Variants in CLCN4 observed in about 807,000 individuals in gnomAD.
CLCN4 encodes Cl-/H+ antiporter 4, also known as H(+)/Cl(-) exchange transporter 4.
CLCN4 carries 1 observed loss-of-function variant against 41.7 expected under a neutral mutation model. That is an observed-to-expected ratio of 0.02 (90% CI 0.01 to 0.11). The LOEUF (loss-of-function observed/expected upper bound fraction) is 0.11, where lower values mean the gene tolerates loss of function less well. Ranked by LOEUF, CLCN4 falls within the 10% of genes least tolerant of loss-of-function variation. The probability of loss-of-function intolerance (pLI) is 1.00; values close to 1 mark genes in which losing one functional copy is unlikely to be tolerated. For synonymous variants in CLCN4, 277 were observed against 285.8 expected (o/e 0.97, Z 0.31); for missense variants, 287 against 661.0 (o/e 0.43, Z 6.20).
At position 10,234,822 on chromosome X, in the gene CLCN4, T is replaced by G. The variant is rs540320036; in HGVS notation, c.*1238T>G. ...TTTGTATTTGAACTTAACGACACATTTACTCTTTTAGTCAGGATTTCGGTC... is the reference window on the plus strand; with the variant it reads ...TTTGTATTTGAACTTAACGACACATGTACTCTTTTAGTCAGGATTTCGGTC... On this transcript the variant is annotated 3_prime_UTR_variant, in exon 13 of 13. Transcript: ENST00000380833. The G allele has an allele frequency of 8.9e-6, 1 of 112,315 alleles. No homozygotes were observed. 9.3% of individuals were successfully genotyped at this position (112,315 alleles called of 1,213,427 possible). A position where few individuals can be genotyped will look rare whatever the true frequency, so the allele number is the denominator to read the frequency against.
chrX:10,196,138 T>C (rs59002659), intron 5 of CLCN4, among the ~76,000 whole-genome samples: 2,345 of 112,119 alleles, frequency 0.021, 65 homozygotes, highest in African/African-American at 0.072. Flanking sequence ...TCAGCACTTG[T>C]TATTATCTGT....
chrX:10,216,590 C>T (rs1465768230), intron 11 of CLCN4, among the ~76,000 whole-genome samples: 1 of 110,392 alleles, frequency 9.1e-6, no homozygotes, highest in East Asian at 2.9e-4. Context: ...AGGAAACTCT[C>T]AGGTTTTTTT....
chrX:10,223,401 G>A (rs1924906229), intron 12 of CLCN4, among the ~76,000 whole-genome samples: 1 of 110,784 alleles, frequency 9.0e-6, no homozygotes. Flanking sequence ...AATTGGCTCT[G>A]AATGTGCTTC....
In CLCN4 at chrX:10,175,386, G is replaced by A. The variant is rs757438409; in HGVS notation, c.-11-9636G>A. Among the ~76,000 whole-genome samples, 43 of 111,472 alleles carry A rather than the reference G, an allele frequency of 3.9e-4. 1 individual carries two copies. Among genetic ancestry groups the A allele is most frequent in the Admixed American group, 1.6e-3 (17 of 10,514 alleles). On this transcript the variant is annotated intron_variant, in intron 2 of 12. Transcript: ENST00000380833. Reference sequence around the variant, plus strand: ...ACCAGCAGGAGCTGAACCAGCAGTCGTCTTGGGTTGCAGTGAAGCCCCCTC... The same window carrying A: ...ACCAGCAGGAGCTGAACCAGCAGTCATCTTGGGTTGCAGTGAAGCCCCCTC...
intron 2 of CLCN4, among the ~76,000 whole-genome samples, chrX:10,161,519 C>T (rs1401945779): frequency 1.8e-5 from 2 of 111,988 alleles, no homozygotes; most frequent in African/African-American, 3.2e-5. Flanking sequence ...CACTTGTGGC[C>T]CTCGATTGGA....
rs760315418 is a variant in CLCN4 at position 10,191,692 on chromosome X, A to ATTTTTTTTTT, written c.245-3200_245-3191dup. Reference sequence around the variant, plus strand: ...AGGCGCGTGCCACCATATCTGGTTAATTTTTTTTTTTTTTTTTTTTTTTTT... The same window carrying ATTTTTTTTTT: ...AGGCGCGTGCCACCATATCTGGTTAATTTTTTTTTTTTTTTTTTTTTTTTTTTTTTTTTTT... On this transcript the variant is annotated intron_variant, in intron 4 of 12. Transcript: ENST00000380833. 6.2e-4 allele frequency among the ~76,000 whole-genome samples: 31 copies of ATTTTTTTTTT among 49,770 alleles called. 5 individuals are homozygous for ATTTTTTTTTT. The highest frequency in any genetic ancestry group is 2.5e-3 in the African/African-American group (27 of 10,846). 43.2% of individuals were successfully genotyped at this position (49,770 alleles called of 115,157 possible).
chrX:10,173,558 T>G (rs1229310795), intron 2 of CLCN4, among the ~76,000 whole-genome samples: 1 of 111,231 alleles, frequency 9.0e-6, no homozygotes, highest in Non-Finnish European at 1.9e-5. Flanking sequence ...CTTAATCTCC[T>G]CCCTCTGTGG....
Position 10,237,027 on chromosome X carries a change from A to G in CLCN4, c.*3443A>G, listed in dbSNP as rs1925270288. The G allele has an allele frequency of 8.9e-6, 1 of 112,364 alleles. No homozygotes were observed. Among genetic ancestry groups the G allele is most frequent in the Non-Finnish European group, 1.9e-5 (1 of 53,300 alleles). The allele number at this position is 112,364 out of a possible 1,213,427, so 9.3% of individuals were successfully genotyped here. A position where few individuals can be genotyped will look rare whatever the true frequency, so the allele number is the denominator to read the frequency against. ...GCAGAATGTGCTAGAAGTCGAAGTC[A>G]TTCAATATTCAGTGCTTACTGTTAC... On this transcript the variant is annotated 3_prime_UTR_variant, in exon 13 of 13. Transcript: ENST00000380833.
In CLCN4 at chrX:10,212,475, G is replaced by A. The variant is rs776287214; in HGVS notation, c.1398G>A (p.Ser466=). 4.1e-5 allele frequency: 49 copies of A among 1,209,239 alleles called. No homozygotes were observed. In the East Asian group the frequency reaches 6.2e-4, roughly 15 times the overall value. The change falls in exon 10 of 13, where the codon TCG becomes TCA. Residue 466 remains serine, a synonymous_variant. Transcript: ENST00000380833. ...CTCTGTGTCTCCTCAAGATCCCGTC[G>A]GGCCTCTTCATCCCCAGCATGGCTG... is the stretch of plus-strand genomic sequence containing the variant. ...TIFTFGMKIP[S]GLFIPSMAVG...
intron 12 of CLCN4, among the ~76,000 whole-genome samples, chrX:10,225,454 T>C (rs1012838953): frequency 2.7e-5 from 3 of 112,305 alleles, no homozygotes; most frequent in African/African-American, 9.7e-5. Context: ...TGTTTTTTTC[T>C]TGTAAATTTG....
At chrX:10,174,116 C>T (rs1214328182) in intron 2 of CLCN4, among the ~76,000 whole-genome samples, 1 of 112,306 alleles carries the variant, frequency 8.9e-6, no homozygotes, top group Non-Finnish European at 1.9e-5. Flanking sequence ...ACTTTGGTGT[C>T]TGCCTCTGGC....
intron 3 of CLCN4, 51 bp from the exon 4 acceptor site, chrX:10,187,464 C>A: frequency 1.1e-6 from 1 of 930,140 alleles, no homozygotes; most frequent in Non-Finnish European, 1.5e-6. Flanking sequence ...AGGAAAAAAG[C>A]ATGAATTCGA....
chrX:10,192,974 A>C (rs1602148999), intron 4 of CLCN4, among the ~76,000 whole-genome samples: 1 of 111,945 alleles, frequency 8.9e-6, no homozygotes, highest in Non-Finnish European at 1.9e-5. Context: ...AGTTGGGACG[A>C]AGCTGAGGCT....
intron 9 of CLCN4, among the ~76,000 whole-genome samples, chrX:10,211,828 C>T (rs1160488505): frequency 1.8e-5 from 2 of 112,243 alleles, no homozygotes; most frequent in Non-Finnish European, 3.8e-5. Context: ...AGTTTACATT[C>T]TATTTCTTTG....
chrX:10,177,471 G>A (rs1041317455), intron 2 of CLCN4, among the ~76,000 whole-genome samples: 5 of 112,025 alleles, frequency 4.5e-5, no homozygotes, highest in African/African-American at 1.6e-4. Flanking sequence ...TTCAGAAGCA[G>A]GCAACAGTAA....
intron 12 of CLCN4, among the ~76,000 whole-genome samples, chrX:10,226,188 G>T (rs1036273025): frequency 9.0e-6 from 1 of 111,220 alleles, no homozygotes; most frequent in African/African-American, 3.3e-5. Context: ...CATAACAAGC[G>T]GTCTCTCAGA....
chrX:10,176,331 T>TGTAAATAAAG (rs1923532504), intron 2 of CLCN4, among the ~76,000 whole-genome samples: 1 of 112,437 alleles, frequency 8.9e-6, no homozygotes, highest in Admixed American at 9.3e-5. Context: ...TTCCTGTTTT[T>TGTAAATAAAG]GTAAATAAAG....
intron 11 of CLCN4, 55 bp from the exon 12 acceptor site, chrX:10,220,606 A>G (rs998347254): frequency 2.1e-6 from 2 of 965,252 alleles, no homozygotes; most frequent in Non-Finnish European, 3.0e-6. Context: ...GGGGTGGGGA[A>G]TTGCTCAGCA....
rs934129190 is a variant in CLCN4 at position 10,198,021 on chromosome X, G to A, written c.515G>A (p.Arg172His). 1 of 1,209,091 alleles carries A rather than the reference G, an allele frequency of 8.3e-7. No homozygotes were observed. Among genetic ancestry groups the A allele is most frequent in the Non-Finnish European group, 1.1e-6 (1 of 893,319 alleles). ...GCATTTTTGGCTGTCTCCCTGGTGC[G>A]TGTATTTGCACCATATGCCTGTGGC... is the stretch of plus-strand genomic sequence containing the variant. ...LFAFLAVSLV[R>H]VFAPYACGSG... The change falls in exon 6 of 13, where the codon CGT becomes CAT. Residue 172 changes from arginine (R) to histidine (H), a missense_variant. Coordinates refer to ENST00000380833, the MANE Select transcript of CLCN4 (RefSeq NM_001830.4).
Sources: allele counts gnomAD v4.1 joint callset (sites outside exome capture counted in the v4.1 genomes callset), GRCh38; gene constraint gnomAD v4.1.1; transcripts MANE v1.5; gene names NCBI Gene and HGNC (gene_info 2026-07-23, HGNC 2026-07-21).